Variants in IFT122 observed in about 807,000 individuals in gnomAD.
IFT122 encodes the protein intraflagellar transport protein 122 homolog.
A neutral mutation model predicts 161.6 loss-of-function variants in IFT122; 118 were observed. The ratio of observed to expected loss-of-function variants is 0.73; its 90% CI spans 0.63 to 0.85. The LOEUF (loss-of-function observed/expected upper bound fraction) is 0.85. Among genes scored for constraint, IFT122 ranks in the 40% least tolerant of loss-of-function variants. IFT122 has a pLI of 0.00. For missense variants in IFT122, 1,381 were observed against 1,579.6 expected (o/e 0.87, Z 2.13); for synonymous variants, 550 against 602.4 (o/e 0.91, Z 1.27).
chr3:129,451,173 A>G (rs912466745), intron 2 of IFT122, among the ~76,000 whole-genome samples: 4 of 152,062 alleles, frequency 2.6e-5, no homozygotes, highest in Non-Finnish European at 5.9e-5. Flanking sequence ...GTCATAGATC[A>G]CTGCAGCCTC....
At chr3:129,476,584 C>T in intron 10 of IFT122, 78 bp downstream of exon 10, 1 of 1,613,648 alleles carries the variant, frequency 6.2e-7, no homozygotes, top group East Asian at 2.2e-5. Context: ...AGTCACATCA[C>T]TGGGGTTTGT....
intron 3 of IFT122, among the ~76,000 whole-genome samples, chr3:129,453,278 C>G (rs1333937105): frequency 2.6e-5 from 4 of 151,920 alleles, no homozygotes; most frequent in African/African-American, 7.3e-5. Flanking sequence ...TGGAAATTCT[C>G]AATTCCATTT....
intron 25 of IFT122, chr3:129,514,917 G>A (rs2083297633): frequency 2.4e-6 from 1 of 412,688 alleles, no homozygotes; most frequent in Non-Finnish European, 4.6e-6. Context: ...TGCCCTTTCT[G>A]GAACCAGGCT....
At chr3:129,470,610 G>A (rs946938971) in intron 9 of IFT122, among the ~76,000 whole-genome samples, 3 of 151,608 alleles carry the variant, frequency 2.0e-5, no homozygotes, top group Non-Finnish European at 2.9e-5. Flanking sequence ...TCACTCTGTC[G>A]CCTAGGCTGG....
chr3:129,465,106 T>TGTA (rs2076576519), intron 7 of IFT122, among the ~76,000 whole-genome samples: 2 of 135,924 alleles, frequency 1.5e-5, no homozygotes, highest in African/African-American at 3.0e-5. Context: ...TACGTGTACA[T>TGTA]GTATATGAGT....
chr3:129,466,495 CTTT>C (rs527470540), intron 7 of IFT122, among the ~76,000 whole-genome samples: 38 of 102,182 alleles, frequency 3.7e-4, no homozygotes, highest in African/African-American at 1.3e-3. Flanking sequence ...TATTTTTATT[CTTT>C]TTTTTTTTTT....
Position 129,487,758 on chromosome 3 carries a change from G to A in IFT122, c.1852-499G>A. On this transcript the variant is annotated intron_variant, in intron 15 of 29. Coordinates refer to ENST00000348417, the MANE Select transcript of IFT122 (RefSeq NM_052989.3). Reference sequence around the variant, plus strand: ...GCCGATACAACCCACCACTGCCCACGGCTGTGCACGGCTTTGCTGTGGGAA... The same window carrying A: ...GCCGATACAACCCACCACTGCCCACAGCTGTGCACGGCTTTGCTGTGGGAA... 1.7e-5 allele frequency: 3 copies of A among 178,088 alleles called. No individual in the cohort carries two copies. In the South Asian group the frequency reaches 2.0e-4, roughly 12 times the overall value. 11.0% of individuals were successfully genotyped at this position (178,088 alleles called of 1,614,324 possible).
intron 18 of IFT122, among the ~76,000 whole-genome samples, chr3:129,496,127 T>C (rs574026636): frequency 6.6e-6 from 1 of 152,256 alleles, no homozygotes; most frequent in Non-Finnish European, 1.5e-5. Context: ...GCAGCATGCC[T>C]CACGCCTGCC....
At chr3:129,461,578 G>A in intron 5 of IFT122, 2 of 479,276 alleles carry the variant, frequency 4.2e-6, no homozygotes, top group East Asian at 8.2e-5. Flanking sequence ...GGCATAACTT[G>A]GTGTTGCTGC....
At chr3:129,476,945 CTTTTTTTTTTT>C (rs952499116) in intron 11 of IFT122, 144 bp downstream of exon 11, 1 of 642,390 alleles carries the variant, frequency 1.6e-6, no homozygotes, top group Admixed American at 2.9e-5. Context: ...GTCTTGTTTT[CTTTTTTTTTTT>C]TTTTTGGTGG....
chr3:129,515,405 C>T (rs1578170703), intron 25 of IFT122, 83 bp from the exon 26 acceptor site: 2 of 1,154,208 alleles, frequency 1.7e-6, no homozygotes, highest in Non-Finnish European at 2.5e-6. Context: ...GGCAGCCAGG[C>T]CCCAGGGGCC....
intron 1 of IFT122, among the ~76,000 whole-genome samples, chr3:129,442,581 A>AC (rs61060445): frequency 0.092 from 13,760 of 149,248 alleles, 700 homozygotes; most frequent in South Asian, 0.14. Flanking sequence ...AAACTAAACA[A>AC]AAAAAAAAAA....
At chr3:129,516,303 CACACAG>C (rs2083576241) in intron 26 of IFT122, among the ~76,000 whole-genome samples, 6 of 137,034 alleles carry the variant, frequency 4.4e-5, no homozygotes, top group South Asian at 5.4e-4. Flanking sequence ...CACACACACA[CACACAG>C]AGACTGCCCC....
chr3:129,517,407 G>T, intron 26 of IFT122, 62 bp from the exon 27 acceptor site: 1 of 1,602,880 alleles, frequency 6.2e-7, no homozygotes, highest in South Asian at 1.1e-5. Flanking sequence ...CACCCCACCT[G>T]CCTGGCGGCA....
chr3:129,441,341 G>T (rs935055112), intron 1 of IFT122, among the ~76,000 whole-genome samples: 1 of 152,126 alleles, frequency 6.6e-6, no homozygotes, highest in African/African-American at 2.4e-5. Flanking sequence ...CAAGGCTCAC[G>T]TTGGAGACGG....
chr3:129,517,667 G>A (rs897261091), intron 27 of IFT122, 73 bp downstream of exon 27: 1 of 1,578,248 alleles, frequency 6.3e-7, no homozygotes, highest in Non-Finnish European at 8.7e-7. Context: ...GAAGTAGGAG[G>A]GCCCAGTCCC....
At chr3:129,515,373 C>G (rs2083359963) in intron 25 of IFT122, 115 bp from the exon 26 acceptor site, 1 of 843,576 alleles carries the variant, frequency 1.2e-6, no homozygotes, top group Non-Finnish European at 2.0e-6. Flanking sequence ...CCTGCCTGCC[C>G]ACCCGGGTGG....
At chr3:129,508,303 G>C (rs1044025833) in intron 23 of IFT122, among the ~76,000 whole-genome samples, 4 of 152,230 alleles carry the variant, frequency 2.6e-5, no homozygotes, top group African/African-American at 9.6e-5. Context: ...TGGTGGCAAT[G>C]GGGAACAGGT....
At chr3:129,463,146 C>T (rs2076358880) in intron 5 of IFT122, 2 of 164,646 alleles carry the variant, frequency 1.2e-5, no homozygotes, top group Non-Finnish European at 2.6e-5. Flanking sequence ...CCCAGTGGAT[C>T]CATCTTATGT....
Sources: allele counts gnomAD v4.1 joint callset (sites outside exome capture counted in the v4.1 genomes callset), GRCh38; gene constraint gnomAD v4.1.1; transcripts MANE v1.5; gene names NCBI Gene and HGNC (gene_info 2026-07-23, HGNC 2026-07-21).